CNTN5: variants seen among roughly 807,000 people sequenced by gnomAD.
CNTN5 encodes contactin 5.
In CNTN5, 77 loss-of-function variants were observed where a neutral mutation model predicts 129.1. The ratio of observed to expected loss-of-function variants is 0.60; its 90% CI spans 0.50 to 0.72. The LOEUF is 0.72. Ranked by LOEUF, CNTN5 falls within the 30% of genes least tolerant of loss-of-function variation. The pLI is 0.00. For synonymous variants in CNTN5, 509 were observed against 465.6 expected, an observed-to-expected ratio of 1.09 and a Z score of -1.20; for missense variants, 1,478 against 1,328.8, an observed-to-expected ratio of 1.11 and a Z score of -1.75.
chr11:99,916,172 G>T, intron 7 of CNTN5, 23 bp downstream of exon 7: 4 of 1,522,896 alleles, frequency 2.6e-6, no homozygotes, highest in Non-Finnish European at 3.6e-6. Flanking sequence ...CTCATTCTTT[G>T]CTGCTGCTGC....
At chr11:100,177,130 A>G (rs1947991053) in intron 13 of CNTN5, among the ~76,000 whole-genome samples, 1 of 152,090 alleles carries the variant, frequency 6.6e-6, no homozygotes. Flanking sequence ...GGAAAGGAGC[A>G]AAGACTAGAG....
chr11:99,520,418 A>C (rs1947232906), intron 2 of CNTN5, among the ~76,000 whole-genome samples: 1 of 152,150 alleles, frequency 6.6e-6, no homozygotes, highest in African/African-American at 2.4e-5. Flanking sequence ...GCATGATCAA[A>C]GTGCTTACAC....
intron 3 of CNTN5, among the ~76,000 whole-genome samples, chr11:99,557,581 ACT>A (rs1948713957): frequency 1.3e-5 from 2 of 151,360 alleles, no homozygotes; most frequent in South Asian, 2.1e-4. Context: ...GAAAATATAA[ACT>A]CTTTTTAGAA....
intron 16 of CNTN5, among the ~76,000 whole-genome samples, chr11:100,253,343 C>G (rs1446327261): frequency 3.3e-5 from 5 of 152,082 alleles, no homozygotes; most frequent in African/African-American, 1.2e-4. Context: ...AGAATGAACT[C>G]TCTGATACCC....
intron 9 of CNTN5, among the ~76,000 whole-genome samples, chr11:100,013,205 G>A (rs958908786): frequency 6.6e-6 from 1 of 152,028 alleles, no homozygotes; most frequent in East Asian, 1.9e-4. Context: ...GGTGGGAAAC[G>A]GGTGACAGAT....
chr11:99,234,235 T>C (rs1861153116), intron 1 of CNTN5, among the ~76,000 whole-genome samples: 1 of 152,144 alleles, frequency 6.6e-6, no homozygotes. Context: ...ATGATAGTTA[T>C]CAGAGGCTGG....
At chr11:99,350,390 A>C (rs1938213216) in intron 2 of CNTN5, among the ~76,000 whole-genome samples, 2 of 152,176 alleles carry the variant, frequency 1.3e-5, no homozygotes, top group Admixed American at 1.3e-4. Context: ...ACTTTAGAAA[A>C]ACTTTGTGCG....
chr11:99,520,770 CA>C (rs1947246679), intron 2 of CNTN5, among the ~76,000 whole-genome samples: 1 of 151,864 alleles, frequency 6.6e-6, no homozygotes, highest in Non-Finnish European at 1.5e-5. Context: ...ATTTATGGTC[CA>C]AAAATTTTTT....
chr11:99,361,978 T>C (rs1254774021), intron 2 of CNTN5, among the ~76,000 whole-genome samples: 1 of 152,150 alleles, frequency 6.6e-6, no homozygotes, highest in Non-Finnish European at 1.5e-5. Context: ...TTTGTGCTTC[T>C]GCTTTTAATG....
intron 3 of CNTN5, among the ~76,000 whole-genome samples, chr11:99,627,547 T>C (rs186334350): frequency 1.5e-4 from 23 of 152,258 alleles, no homozygotes; most frequent in African/African-American, 5.5e-4. Context: ...AAGGTTATCA[T>C]GTAGACTATA....
At chr11:100,117,070 A>T (rs2138144791) in intron 13 of CNTN5, among the ~76,000 whole-genome samples, 1 of 152,140 alleles carries the variant, frequency 6.6e-6, no homozygotes, top group African/African-American at 2.4e-5. Flanking sequence ...TTCAGTTAAA[A>T]AATAAAATAA....
intron 6 of CNTN5, among the ~76,000 whole-genome samples, chr11:99,886,847 C>T (rs1256150983): frequency 6.6e-6 from 1 of 152,172 alleles, no homozygotes; most frequent in South Asian, 2.1e-4. Flanking sequence ...TTCTAAAATT[C>T]AAATGTAAAC....
chr11:99,145,379 T>TC lies in CNTN5; in HGVS notation c.-210+124109_-210+124110insC, dbSNP rs1329339100. The stretch of plus-strand genomic sequence containing the variant: ...GCTACCACGCCCAACCAGAAACACT[T>TC]TTTTTTTTCTGTAGATGTGTCTATA... On this transcript the variant is annotated intron_variant, in intron 1 of 24. Coordinates refer to ENST00000524871, the MANE Select transcript of CNTN5 (RefSeq NM_014361.4). 2.0e-5 allele frequency among the ~76,000 whole-genome samples: 3 copies of TC among 150,858 alleles called. No homozygotes were observed. The East Asian group carries it at 5.9e-4, about 29-fold the overall frequency.
chr11:99,164,535 G>A (rs1329158444), intron 1 of CNTN5, among the ~76,000 whole-genome samples: 2 of 152,054 alleles, frequency 1.3e-5, no homozygotes, highest in Non-Finnish European at 2.9e-5. Flanking sequence ...GTATCATATA[G>A]TTACGTAGTA....
intron 1 of CNTN5, among the ~76,000 whole-genome samples, chr11:99,208,566 A>G: frequency 6.7e-6 from 1 of 149,070 alleles, no homozygotes; most frequent in Non-Finnish European, 1.5e-5. Flanking sequence ...TTGGAAAGTA[A>G]GCTGTTTGTA....
chr11:99,942,463 G>A (rs1237764572), intron 7 of CNTN5, among the ~76,000 whole-genome samples: 3 of 152,002 alleles, frequency 2.0e-5, no homozygotes, highest in African/African-American at 4.8e-5. Flanking sequence ...ACTGGTGCAC[G>A]AGTTAATGAT....
intron 21 of CNTN5, among the ~76,000 whole-genome samples, chr11:100,324,625 C>T (rs982652797): frequency 2.0e-5 from 3 of 152,008 alleles, no homozygotes; most frequent in African/African-American, 7.2e-5. Flanking sequence ...ATGAAGAAGG[C>T]AACTAATATT....
At chr11:99,460,257 ATATTTAAGAAAT>A (rs1265238960) in intron 2 of CNTN5, among the ~76,000 whole-genome samples, 3 of 151,546 alleles carry the variant, frequency 2.0e-5, no homozygotes, top group Non-Finnish European at 4.4e-5. Flanking sequence ...TTTTAAAGAA[ATATTTAAGAAAT>A]TATTTAAGAA....
At chr11:99,643,721 A>C (rs1320295424) in intron 3 of CNTN5, among the ~76,000 whole-genome samples, 2 of 152,158 alleles carry the variant, frequency 1.3e-5, no homozygotes, top group African/African-American at 4.8e-5. Context: ...ACTGTGAGCC[A>C]CACAAACCCT....
Sources: gnomAD v4.1 joint callset for allele counts (sites outside exome capture counted in the v4.1 genomes callset) on GRCh38, gnomAD v4.1.1 for gene constraint, MANE v1.5 for transcripts, NCBI Gene and HGNC (gene_info 2026-07-23, HGNC 2026-07-21) for gene names.